The following SOD2 variants were observed in gnomAD, a reference collection of about 807,000 sequenced individuals.
The protein encoded by SOD2 is superoxide dismutase [Mn], mitochondrial.
In SOD2, 11 loss-of-function variants were observed where a neutral mutation model predicts 27.0. The observed-to-expected ratio is 0.41, with a 90% CI of 0.26 to 0.67. The LOEUF is 0.67. Among genes scored for constraint, SOD2 ranks in the 30% least tolerant of loss-of-function variants. The probability of loss-of-function intolerance (pLI) is 0.34; values close to 1 mark genes in which losing one functional copy is unlikely to be tolerated. For missense variants in SOD2, 250 were observed against 274.5 expected (o/e 0.91, Z 0.63); for synonymous variants, 105 against 103.0 (o/e 1.02, Z -0.12).
intron 2 of SOD2, chr6:159,692,389 A>C: frequency 7.3e-7 from 1 of 1,360,988 alleles, no homozygotes; most frequent in Non-Finnish European, 9.5e-7. Flanking sequence ...CAATATGTGT[A>C]ACGGAATGTG....
At position 159,727,022 on chromosome 6, in the gene SOD2, C is replaced by A. The variant is rs951363257; in HGVS notation, c.-116+107G>T. On this transcript the variant is annotated intron_variant, in intron 1 of 2. Coordinates refer to the SOD2 transcript ENST00000401980. ...GATCCCTCCGCACGAGGCAGCCCCG[C>A]AGCCGCAGGTGGCCCCGGCGAGTAC... The A allele has an allele frequency of 1.9e-5, 23 of 1,238,510 alleles. No homozygotes were observed. In the East Asian group the frequency reaches 9.8e-4, roughly 53 times the overall value. The allele number at this position is 1,238,510 out of a possible 1,614,324, so 76.7% of individuals were successfully genotyped here.
chr6:159,718,929 G>A (rs4709363), intron 1 of SOD2, among the ~76,000 whole-genome samples: 40,629 of 152,068 alleles, frequency 0.27, 5,491 homozygotes, highest in East Asian at 0.4. Context: ...TGAGAGCGTC[G>A]TGGATTAACA....
chr6:159,724,487 C>T (rs1477500469), intron 1 of SOD2, among the ~76,000 whole-genome samples: 2 of 152,206 alleles, frequency 1.3e-5, no homozygotes, highest in Admixed American at 6.5e-5. Flanking sequence ...TTAGAATACA[C>T]AGTTGACCCT....
Position 159,718,514 on chromosome 6 carries a change from CT to C in SOD2, c.-116+8614del, listed in dbSNP as rs1379702601. Among the ~76,000 whole-genome samples, 3 of 152,008 alleles carry C rather than the reference CT, an allele frequency of 2.0e-5. No homozygotes were observed. The East Asian group carries it at 5.8e-4, about 29-fold the overall frequency. On this transcript the variant is annotated intron_variant, in intron 1 of 2. Transcript: ENST00000401980. The stretch of plus-strand genomic sequence containing the variant: ...AAAAAAAACTTAGAATGTCAGAAGT[CT>C]TTGTGGTCTGCAGAGAAAATGAAGA...
At chr6:159,691,699 C>T (rs1777203032) in intron 2 of SOD2, 1 of 150,320 alleles carries the variant, frequency 6.7e-6, no homozygotes, top group African/African-American at 2.4e-5. Flanking sequence ...GTCCACATAC[C>T]CCTGGTTTTA....
chr6:159,734,636 C>A (rs906912332), intron 1 of SOD2, among the ~76,000 whole-genome samples: 1 of 151,932 alleles, frequency 6.6e-6, no homozygotes, highest in Non-Finnish European at 1.5e-5. Flanking sequence ...TATGGTGGGT[C>A]CCCATCTCTT....
In SOD2 at chr6:159,673,037, A is replaced by G. The variant is rs1310460239; in HGVS notation, c.*9456T>C. Reference sequence around the variant, plus strand: ...ATGATAGTAAAGGGATCAATTCAACAAGAAGAGCTAACTATCTTAAATATA... The same window carrying G: ...ATGATAGTAAAGGGATCAATTCAACGAGAAGAGCTAACTATCTTAAATATA... On this transcript the variant is annotated 3_prime_UTR_variant, in exon 5 of 5. Coordinates refer to ENST00000538183, the MANE Select transcript of SOD2 (RefSeq NM_000636.4). 6.6e-6 allele frequency: 1 copy of G among 152,232 alleles called. No individual in the cohort carries two copies. Among genetic ancestry groups the G allele is most frequent in the East Asian group, 1.9e-4 (1 of 5,204 alleles). 9.4% of individuals were successfully genotyped at this position (152,232 alleles called of 1,614,324 possible).
rs577430351 is a variant in SOD2, at chr6:159,672,893, T to C, written c.*9600A>G. Reference sequence around the variant, plus strand: ...CACACATAGGCTCAAAATAAAAGGATGGAGGAAGATCTACCAAGCAAACGG... The same window carrying C: ...CACACATAGGCTCAAAATAAAAGGACGGAGGAAGATCTACCAAGCAAACGG... On this transcript the variant is annotated 3_prime_UTR_variant, in exon 5 of 5. Coordinates refer to ENST00000538183, the MANE Select transcript of SOD2 (RefSeq NM_000636.4). 1.3e-5 allele frequency: 2 copies of C among 151,102 alleles called. No homozygotes were observed. The highest frequency in any genetic ancestry group is 1.9e-4 in the East Asian group (1 of 5,148). 9.4% of individuals were successfully genotyped at this position (151,102 alleles called of 1,614,324 possible). A position where few individuals can be genotyped will look rare whatever the true frequency, so the allele number is the denominator to read the frequency against.
At position 159,692,725 on chromosome 6, in the gene SOD2, G is replaced by A. The variant is rs1777279870; in HGVS notation, c.162C>T (p.His54=). The part of the protein sequence containing the change: ...AQIMQLHHSK[H]HAAYVNNLNV... ...TCAGGTTGTTCACGTAGGCCGCGTG[G>A]TGCTTGCTGTGGTGCAGCTGCATGA... is the stretch of plus-strand genomic sequence containing the variant. The change falls in exon 2 of 5, where the codon CAC becomes CAT. Residue 54 remains histidine, a synonymous_variant. Coordinates refer to ENST00000538183, the MANE Select transcript of SOD2 (RefSeq NM_000636.4). 6.2e-7 allele frequency: 1 copy of A among 1,614,046 alleles called. No homozygotes were observed. The highest frequency in any genetic ancestry group is 1.3e-5 in the African/African-American group (1 of 74,922).
intron 1 of SOD2, among the ~76,000 whole-genome samples, chr6:159,706,382 G>A (rs1205502364): frequency 2.0e-5 from 3 of 152,264 alleles, no homozygotes; most frequent in Non-Finnish European, 2.9e-5. Flanking sequence ...CATCTCACAT[G>A]CAGAGACACA....
intron 1 of SOD2, chr6:159,736,393 T>C (rs1778917829): frequency 2.1e-6 from 2 of 960,874 alleles, no homozygotes; most frequent in Admixed American, 4.4e-5. Flanking sequence ...GGATTATCGT[T>C]GTTTGCTTAT....
At chr6:159,722,291 C>T (rs1282317366) in intron 1 of SOD2, among the ~76,000 whole-genome samples, 3 of 151,958 alleles carry the variant, frequency 2.0e-5, no homozygotes, top group African/African-American at 4.8e-5. Flanking sequence ...TGACGAGGCA[C>T]GAGGATCACT....
At chr6:159,732,114 G>T (rs529472701), upstream of SOD2, among the ~76,000 whole-genome samples, 1 of 152,046 alleles carries the variant, frequency 6.6e-6, no homozygotes, top group South Asian at 2.1e-4. Flanking sequence ...TTCGCATCCC[G>T]TGAATGCTGT....
upstream of SOD2, among the ~76,000 whole-genome samples, chr6:159,698,133 C>T (rs1777457908): frequency 6.6e-6 from 1 of 152,118 alleles, no homozygotes; most frequent in South Asian, 2.1e-4. Context: ...ATTAGCTAGG[C>T]GTGGTGGCAC....
intron 1 of SOD2, chr6:159,742,287 T>A (rs1291135420): frequency 2.5e-5 from 16 of 632,838 alleles, no homozygotes; most frequent in Non-Finnish European, 4.0e-5. Flanking sequence ...CTGTGTTGGG[T>A]GCAAGAAAAT....
In SOD2 at chr6:159,718,586, A is replaced by G. The variant is rs527821601; in HGVS notation, c.-116+8543T>C. On this transcript the variant is annotated intron_variant, in intron 1 of 2. Coordinates refer to the SOD2 transcript ENST00000401980. The stretch of plus-strand genomic sequence containing the variant: ...TATAATTTTAAAAATCTAAATGTTC[A>G]CTAAATCTGAAAGATTAGATATATT... 4.6e-5 allele frequency among the ~76,000 whole-genome samples: 7 copies of G among 152,352 alleles called. No homozygotes were observed. In the South Asian group the frequency reaches 1.2e-3, roughly 27 times the overall value.
At chr6:159,708,988 G>C (rs1346208185) in intron 1 of SOD2, among the ~76,000 whole-genome samples, 4 of 152,172 alleles carry the variant, frequency 2.6e-5, no homozygotes, top group East Asian at 3.9e-4. Flanking sequence ...TGATCTTTGA[G>C]AAACCTGACA....
intron 2 of SOD2, chr6:159,691,302 G>A (rs899548669): frequency 3.3e-5 from 5 of 152,100 alleles, no homozygotes; most frequent in South Asian, 2.1e-4. Flanking sequence ...CCTAAATCAC[G>A]GGGCCTTTTC....
At chr6:159,703,292 C>T (rs1051785872) in intron 1 of SOD2, among the ~76,000 whole-genome samples, 3 of 152,180 alleles carry the variant, frequency 2.0e-5, no homozygotes, top group East Asian at 1.9e-4. Context: ...CCAGCCTGGG[C>T]GACAAGAGTG....
Sources: allele counts gnomAD v4.1 joint callset (sites outside exome capture counted in the v4.1 genomes callset), GRCh38; gene constraint gnomAD v4.1.1; transcripts MANE v1.5; gene names NCBI Gene and HGNC (gene_info 2026-07-23, HGNC 2026-07-21).